Variants in IL1RAPL2 observed in about 807,000 individuals in gnomAD.
The protein encoded by IL1RAPL2 is interleukin 1 receptor accessory protein like 2, also known as X-linked interleukin-1 receptor accessory protein-like 2.
Under a neutral mutation model 44.1 loss-of-function variants are expected in IL1RAPL2, and 3 were observed. The ratio of observed to expected loss-of-function variants is 0.07; its 90% CI spans 0.03 to 0.18. IL1RAPL2 has a LOEUF of 0.18. IL1RAPL2 is among the 10% of genes least tolerant of loss of function. The pLI, the probability that IL1RAPL2 is intolerant of heterozygous loss-of-function variation, is 1.00. For missense variants in IL1RAPL2, 391 were observed against 496.4 expected, an observed-to-expected ratio of 0.79 and a Z score of 2.02; for synonymous variants, 181 against 178.8, an observed-to-expected ratio of 1.01 and a Z score of -0.10.
Position 105,541,971 on chromosome X carries a change from G to C in IL1RAPL2, c.772+57584G>C, listed in dbSNP as rs942071020. 1.0e-4 allele frequency among the ~76,000 whole-genome samples: 11 copies of C among 109,258 alleles called. No individual in the cohort carries two copies. In the Admixed American group the frequency reaches 1.1e-3, roughly 11 times the overall value. 94.9% of individuals were successfully genotyped at this position (109,258 alleles called of 115,157 possible). On this transcript the variant is annotated intron_variant, in intron 6 of 10. Transcript: ENST00000372582. The stretch of plus-strand genomic sequence containing the variant: ...GTATCCTTTAGCTCCCTCTTGATGA[G>C]TCATACCTCCCTGCACACTCTTTCC...
intron 6 of IL1RAPL2, among the ~76,000 whole-genome samples, chrX:105,619,448 T>C (rs1340170484): frequency 2.7e-5 from 3 of 111,532 alleles, no homozygotes; most frequent in Non-Finnish European, 3.8e-5. Flanking sequence ...TTTGCAGAGC[T>C]TCTCCTGTGT....
chrX:105,460,308 CTT>C (rs1039183480), intron 5 of IL1RAPL2, among the ~76,000 whole-genome samples: 9 of 110,739 alleles, frequency 8.1e-5, no homozygotes, highest in Admixed American at 9.7e-5. Flanking sequence ...TATCGTATGT[CTT>C]ATTGTAAAAC....
chrX:105,426,179 T>C (rs1358015747), intron 5 of IL1RAPL2, among the ~76,000 whole-genome samples: 3 of 110,039 alleles, frequency 2.7e-5, no homozygotes, highest in African/African-American at 6.6e-5. Context: ...GATTGATTGA[T>C]TGAATGAATG....
intron 2 of IL1RAPL2, among the ~76,000 whole-genome samples, chrX:104,951,521 T>C (rs1343093055): frequency 8.9e-6 from 1 of 112,675 alleles, no homozygotes; most frequent in Non-Finnish European, 1.9e-5. Context: ...TAAAAATACT[T>C]GGCTTCTATT....
At chrX:104,674,775 T>G (rs1477320855) in intron 2 of IL1RAPL2, among the ~76,000 whole-genome samples, 4 of 110,743 alleles carry the variant, frequency 3.6e-5, no homozygotes, top group African/African-American at 1.3e-4. Flanking sequence ...CAATTTCAGA[T>G]CCTGTTATTG....
At chrX:105,544,835 T>C (rs575539237) in intron 6 of IL1RAPL2, among the ~76,000 whole-genome samples, 21 of 111,519 alleles carry the variant, frequency 1.9e-4, no homozygotes, top group Middle Eastern at 4.7e-3. Context: ...AAATATTTTT[T>C]GTGTGTGCAC....
At chrX:105,614,531 T>C (rs1278913656) in intron 6 of IL1RAPL2, among the ~76,000 whole-genome samples, 1 of 110,972 alleles carries the variant, frequency 9.0e-6, no homozygotes, top group East Asian at 2.9e-4. Flanking sequence ...AATCCATACA[T>C]CTACAGTGAA....
At chrX:104,637,329 C>G (rs1232129190) in intron 1 of IL1RAPL2, among the ~76,000 whole-genome samples, 1 of 111,566 alleles carries the variant, frequency 9.0e-6, no homozygotes, top group African/African-American at 3.3e-5. Flanking sequence ...TCTTACCTGA[C>G]TGTTCTGGCT....
intron 6 of IL1RAPL2, among the ~76,000 whole-genome samples, chrX:105,579,802 T>G (rs1053964528): frequency 9.0e-6 from 1 of 111,517 alleles, no homozygotes; most frequent in Non-Finnish European, 1.9e-5. Context: ...TAGTCCATAT[T>G]GCCCCAGAAC....
chrX:104,997,637 A>G (rs968426585), intron 2 of IL1RAPL2, among the ~76,000 whole-genome samples: 1 of 111,959 alleles, frequency 8.9e-6, no homozygotes, highest in African/African-American at 3.2e-5. Flanking sequence ...ATAGCAGTGA[A>G]GATAATAGGA....
chrX:104,813,858 T>C, intron 2 of IL1RAPL2, among the ~76,000 whole-genome samples: 1 of 111,537 alleles, frequency 9.0e-6, no homozygotes, highest in African/African-American at 3.3e-5. Flanking sequence ...AAAGCAGCAT[T>C]TGGGGAGTTA....
rs150387117 is a variant in IL1RAPL2 at position 105,351,393 on chromosome X, G to A, written c.697+83852G>A. 7.5e-3 allele frequency among the ~76,000 whole-genome samples: 834 copies of A among 111,769 alleles called. 7 individuals are homozygous for A. The highest frequency in any genetic ancestry group is 0.026 in the African/African-American group (786 of 30,772). ...CTCGGAACCAACCCAAATGCCCATAGTGATAGACTGGATAAAGAAAATGTG... is the reference window on the plus strand; with the variant it reads ...CTCGGAACCAACCCAAATGCCCATAATGATAGACTGGATAAAGAAAATGTG... On this transcript the variant is annotated intron_variant, in intron 5 of 10. Coordinates refer to ENST00000372582, the MANE Select transcript of IL1RAPL2 (RefSeq NM_017416.2).
At chrX:104,876,007 G>T (rs1420092826) in intron 2 of IL1RAPL2, among the ~76,000 whole-genome samples, 1 of 111,002 alleles carries the variant, frequency 9.0e-6, no homozygotes, top group Non-Finnish European at 1.9e-5. Context: ...TTAAGTTATG[G>T]ATGGGTGGTA....
chrX:105,597,726 G>A (rs1029926663), intron 6 of IL1RAPL2, among the ~76,000 whole-genome samples: 1 of 111,472 alleles, frequency 9.0e-6, no homozygotes, highest in East Asian at 2.8e-4. Context: ...CAACACTGGG[G>A]ATTACAGTTG....
intron 1 of IL1RAPL2, among the ~76,000 whole-genome samples, chrX:104,611,945 GA>G (rs886673120): frequency 1.8e-5 from 2 of 110,688 alleles, no homozygotes; most frequent in Non-Finnish European, 3.8e-5. Flanking sequence ...AATCTCCTGG[GA>G]TGCAGACCAT....
chrX:105,014,583 T>C (rs922621761), intron 2 of IL1RAPL2, among the ~76,000 whole-genome samples: 3 of 111,816 alleles, frequency 2.7e-5, no homozygotes, highest in Non-Finnish European at 5.6e-5. Context: ...TCTGTTCTTG[T>C]GTTAGTTTGC....
chrX:105,751,201 G>A (rs760234904), intron 9 of IL1RAPL2, among the ~76,000 whole-genome samples: 1 of 110,652 alleles, frequency 9.0e-6, no homozygotes, highest in South Asian at 3.9e-4. Flanking sequence ...CTTGAATCCA[G>A]GAGTTCAGGG....
intron 2 of IL1RAPL2, among the ~76,000 whole-genome samples, chrX:104,910,136 CT>C (rs1924185511): frequency 8.9e-6 from 1 of 112,362 alleles, no homozygotes. Context: ...TCCGTCACCC[CT>C]GTCTTTGACT....
chrX:104,895,052 T>A (rs1923596220), intron 2 of IL1RAPL2, among the ~76,000 whole-genome samples: 1 of 112,566 alleles, frequency 8.9e-6, no homozygotes, highest in African/African-American at 3.2e-5. Context: ...GGAGGTCCAC[T>A]CCAGACTGTG....
Sources: gnomAD v4.1 joint callset for allele counts (sites outside exome capture counted in the v4.1 genomes callset) on GRCh38, gnomAD v4.1.1 for gene constraint, MANE v1.5 for transcripts, NCBI Gene and HGNC (gene_info 2026-07-23, HGNC 2026-07-21) for gene names.